ZBTB16: variants seen among roughly 807,000 people sequenced by gnomAD.
The protein encoded by ZBTB16 is zinc finger and BTB domain-containing protein 16.
In ZBTB16, 8 loss-of-function variants were observed where a neutral mutation model predicts 56.8. The ratio of observed to expected loss-of-function variants is 0.14; its 90% CI spans 0.08 to 0.25. The LOEUF (loss-of-function observed/expected upper bound fraction) is 0.25, where lower values mean the gene tolerates loss of function less well. ZBTB16 is among the 10% of genes least tolerant of loss of function. The pLI is 1.00. For synonymous variants in ZBTB16, 363 were observed against 368.5 expected (o/e 0.98, Z 0.17); for missense variants, 625 against 903.0 (o/e 0.69, Z 3.95).
chr11:114,186,880 G>C, intron 3 of ZBTB16, 72 bp from the exon 4 acceptor site: 2 of 1,465,882 alleles, frequency 1.4e-6, no homozygotes, highest in Non-Finnish European at 1.9e-6. Flanking sequence ...TACCTGCACA[G>C]TTGTGGCCCA....
intron 2 of ZBTB16, among the ~76,000 whole-genome samples, chr11:114,131,604 A>G (rs892964797): frequency 2.6e-5 from 4 of 152,174 alleles, no homozygotes; most frequent in Admixed American, 2.6e-4. Context: ...AAAAACCATG[A>G]GGGCCACACT....
At chr11:114,185,768 G>A (rs1943347226) in intron 3 of ZBTB16, among the ~76,000 whole-genome samples, 1 of 152,176 alleles carries the variant, frequency 6.6e-6, no homozygotes. Flanking sequence ...ACTTGTGACA[G>A]CTGACCCCTG....
In ZBTB16 at chr11:114,225,922, ATAACTC is replaced by A. The variant is rs138874146; in HGVS notation, c.1454-16241_1454-16236del. Among the ~76,000 whole-genome samples the A allele has an allele frequency of 1.4e-3, 219 of 152,338 alleles. 4 individuals carry two copies. The East Asian group carries it at 0.034, about 24-fold the overall frequency. ...CCAGCAACCTTGCATGGTGGGTACT[ATAACTC>A]TAATACAGAAAGGAAACTAAGACCC... is the stretch of plus-strand genomic sequence containing the variant. On this transcript the variant is annotated intron_variant, in intron 4 of 6. Transcript: ENST00000335953.
chr11:114,087,019 A>G (rs117669265), intron 2 of ZBTB16, among the ~76,000 whole-genome samples: 1 of 152,036 alleles, frequency 6.6e-6, no homozygotes, highest in Admixed American at 6.5e-5. Flanking sequence ...GGTCAGTGCC[A>G]TGTGGTGCCT....
At chr11:114,125,092 C>G (rs115886001) in intron 2 of ZBTB16, among the ~76,000 whole-genome samples, 1,579 of 151,646 alleles carry the variant, frequency 0.01, 30 homozygotes, top group African/African-American at 0.037. Flanking sequence ...CTTTATAGTT[C>G]TATTGGAGTT....
intron 2 of ZBTB16, among the ~76,000 whole-genome samples, chr11:114,086,855 G>A (rs1459620673): frequency 6.6e-6 from 1 of 152,132 alleles, no homozygotes; most frequent in Admixed American, 6.5e-5. Flanking sequence ...AAAAGTAATT[G>A]CTATTTTAGA....
At chr11:114,121,227 T>G (rs1941333595) in intron 2 of ZBTB16, among the ~76,000 whole-genome samples, 1 of 152,020 alleles carries the variant, frequency 6.6e-6, no homozygotes, top group Non-Finnish European at 1.5e-5. Context: ...GTGGTGTAGA[T>G]ACTCCCACCA....
intron 2 of ZBTB16, among the ~76,000 whole-genome samples, chr11:114,119,707 C>T (rs113435831): frequency 2.0e-5 from 3 of 152,242 alleles, no homozygotes; most frequent in African/African-American, 4.8e-5. Context: ...GCACCTGTAT[C>T]GTGTCAGTCT....
chr11:114,120,665 C>G (rs1311062187), intron 2 of ZBTB16, among the ~76,000 whole-genome samples: 2 of 152,252 alleles, frequency 1.3e-5, no homozygotes, highest in African/African-American at 4.8e-5. Flanking sequence ...CGCACACTTT[C>G]TCTGCGTGTC....
At chr11:114,089,011 C>A (rs116807186) in intron 2 of ZBTB16, among the ~76,000 whole-genome samples, 1 of 152,190 alleles carries the variant, frequency 6.6e-6, no homozygotes, top group Admixed American at 6.5e-5. Flanking sequence ...GGCCTGGGGA[C>A]GAGGACTACG....
At chr11:114,204,886 C>T (rs1943821117) in intron 4 of ZBTB16, among the ~76,000 whole-genome samples, 1 of 152,170 alleles carries the variant, frequency 6.6e-6, no homozygotes, top group African/African-American at 2.4e-5. Context: ...GTCACTCGCC[C>T]TGAGCTGGAT....
intron 2 of ZBTB16, among the ~76,000 whole-genome samples, chr11:114,139,617 C>T (rs1277814173): frequency 2.3e-5 from 3 of 132,970 alleles, no homozygotes; most frequent in African/African-American, 3.4e-5. Context: ...GGTATGTGCC[C>T]GCGGTCCACG....
intron 2 of ZBTB16, among the ~76,000 whole-genome samples, chr11:114,147,561 C>T (rs924404042): frequency 6.6e-6 from 1 of 152,188 alleles, no homozygotes; most frequent in Non-Finnish European, 1.5e-5. Context: ...GGGCTGACAT[C>T]ATCAAGCATG....
intron 2 of ZBTB16, among the ~76,000 whole-genome samples, chr11:114,068,272 T>C (rs1421387795): frequency 1.3e-5 from 2 of 152,100 alleles, no homozygotes; most frequent in East Asian, 3.9e-4. Flanking sequence ...GGAGAGGAAA[T>C]GAAGGCGGAT....
At chr11:114,202,194 A>T (rs766787265) in intron 4 of ZBTB16, among the ~76,000 whole-genome samples, 4 of 152,232 alleles carry the variant, frequency 2.6e-5, no homozygotes, top group Non-Finnish European at 5.9e-5. Context: ...TTACACCGAC[A>T]TAAGGACTGA....
At chr11:114,076,228 C>T (rs1240221448) in intron 2 of ZBTB16, among the ~76,000 whole-genome samples, 1 of 152,114 alleles carries the variant, frequency 6.6e-6, no homozygotes, top group Non-Finnish European at 1.5e-5. Context: ...TTTATGGCAT[C>T]GTTGACAGCA....
At chr11:114,148,463 C>CTTTT (rs1250594300) in intron 2 of ZBTB16, among the ~76,000 whole-genome samples, 1 of 116,276 alleles carries the variant, frequency 8.6e-6, no homozygotes, top group Non-Finnish European at 1.7e-5. Context: ...GTCTGTCTCT[C>CTTTT]TCTCTCTCTT....
intron 2 of ZBTB16, among the ~76,000 whole-genome samples, chr11:114,123,152 A>G (rs1262442242): frequency 2.6e-5 from 4 of 152,074 alleles, no homozygotes; most frequent in Admixed American, 6.5e-5. Context: ...TTTAACCTTA[A>G]TTACTTCCTT....
In ZBTB16 at chr11:114,064,783, G is replaced by T. The variant is rs1426322542; in HGVS notation, c.1268+215G>T. ...AGGATCTTTCCAAAAAGCACCAGGG[G>T]ACACTCATGGGCGCAGCTTCTTAAT... is the stretch of plus-strand genomic sequence containing the variant. On this transcript the variant is annotated intron_variant, in intron 2 of 6. Coordinates refer to ENST00000335953, the MANE Select transcript of ZBTB16 (RefSeq NM_006006.6). This position sits in a 1 kb window ranked among gnomAD's most constrained non-coding sequence, Gnocchi z 4.2. Among the ~76,000 whole-genome samples the T allele has an allele frequency of 6.6e-6, 1 of 152,208 alleles. No individual in the cohort carries two copies. Among genetic ancestry groups the T allele is most frequent in the Non-Finnish European group, 1.5e-5 (1 of 68,036 alleles).
Sources: allele counts gnomAD v4.1 joint callset (sites outside exome capture counted in the v4.1 genomes callset), GRCh38; gene constraint gnomAD v4.1.1; non-coding constraint Gnocchi (gnomAD v3.1); transcripts MANE v1.5; gene names NCBI Gene and HGNC (gene_info 2026-07-23, HGNC 2026-07-21).